VAV2: variants seen among roughly 807,000 people sequenced by gnomAD.
VAV2 encodes the protein guanine nucleotide exchange factor VAV2.
VAV2 carries 67 observed loss-of-function variants against 132.5 expected under a neutral mutation model. That is an observed-to-expected ratio of 0.51 (90% CI 0.42 to 0.62). The LOEUF (loss-of-function observed/expected upper bound fraction) is 0.62. Ranked by LOEUF, VAV2 falls within the 20% of genes least tolerant of loss-of-function variation. The pLI is 0.00. For synonymous variants in VAV2, 492 were observed against 443.5 expected, an observed-to-expected ratio of 1.11 and a Z score of -1.37; for missense variants, 938 against 1,153.6, an observed-to-expected ratio of 0.81 and a Z score of 2.71.
At chr9:133,938,977 G>A in intron 2 of VAV2, 126 bp downstream of exon 2, 1 of 859,920 alleles carries the variant, frequency 1.2e-6, no homozygotes, top group Non-Finnish European at 1.9e-6. Context: ...ACATGAGGGT[G>A]CAGAAATCCA....
chr9:133,887,403 G>A (rs1255612095), intron 2 of VAV2, among the ~76,000 whole-genome samples: 1 of 152,100 alleles, frequency 6.6e-6, no homozygotes, highest in Non-Finnish European at 1.5e-5. Context: ...GTGGACATCT[G>A]GCCCCAGGGA....
rs1250466810 is a variant in VAV2 at position 133,823,347 on chromosome 9, G to A, written c.449+10925C>T. On this transcript the variant is annotated intron_variant, in intron 4 of 29. Coordinates refer to ENST00000371850, the MANE Select transcript of VAV2 (RefSeq NM_001134398.2). The surrounding 1 kb of genome is among the most constrained non-coding windows in gnomAD (Gnocchi z 5.5). ...TTCAATTCAGCCTGGTAGGGTTGGG[G>A]GCTGCCTCTTAGAGAAGGTGACCTG... Among the ~76,000 whole-genome samples, 3 of 152,202 alleles carry A rather than the reference G, an allele frequency of 2.0e-5. No homozygotes were observed. The highest frequency in any genetic ancestry group is 4.4e-5 in the Non-Finnish European group (3 of 68,040).
intron 2 of VAV2, among the ~76,000 whole-genome samples, chr9:133,901,835 G>C (rs1203757747): frequency 6.6e-6 from 1 of 152,252 alleles, no homozygotes; most frequent in Non-Finnish European, 1.5e-5. Context: ...TTTCCCAGGA[G>C]ACGGGCCGAT....
At chr9:133,868,506 C>T (rs952399458) in intron 2 of VAV2, among the ~76,000 whole-genome samples, 4 of 152,184 alleles carry the variant, frequency 2.6e-5, no homozygotes, top group Admixed American at 2.6e-4. Flanking sequence ...GGAGCCTGGC[C>T]CAAAGCAGGG....
chr9:133,816,963 T>G (rs1835583831), intron 4 of VAV2, among the ~76,000 whole-genome samples: 2 of 152,240 alleles, frequency 1.3e-5, no homozygotes, highest in Non-Finnish European at 2.9e-5. Flanking sequence ...ATTAAGCCAT[T>G]CCAAGGTCCT....
At chr9:133,849,680 C>A (rs1201376003) in intron 3 of VAV2, among the ~76,000 whole-genome samples, 1 of 152,196 alleles carries the variant, frequency 6.6e-6, no homozygotes, top group East Asian at 1.9e-4. Flanking sequence ...CCTCTGGAGG[C>A]ACTGGGGGAG....
At chr9:133,818,912 T>C (rs1055106222) in intron 4 of VAV2, among the ~76,000 whole-genome samples, 7 of 152,000 alleles carry the variant, frequency 4.6e-5, no homozygotes, top group African/African-American at 1.4e-4. Context: ...GCCCAGCTAA[T>C]TGTTTTATTT....
At chr9:133,882,702 C>T (rs1838547553) in intron 2 of VAV2, among the ~76,000 whole-genome samples, 1 of 152,186 alleles carries the variant, frequency 6.6e-6, no homozygotes, top group South Asian at 2.1e-4. Context: ...GTCCGTGATA[C>T]TTGGCTATGG....
At chr9:133,856,404 C>A (rs760593892) in intron 3 of VAV2, among the ~76,000 whole-genome samples, 6 of 152,130 alleles carry the variant, frequency 3.9e-5, no homozygotes, top group Non-Finnish European at 8.8e-5. Context: ...GAGCCCCAAC[C>A]GGGTCCCCAT....
chr9:133,967,562 T>G (rs1387304974), intron 1 of VAV2, among the ~76,000 whole-genome samples: 1 of 152,128 alleles, frequency 6.6e-6, no homozygotes, highest in African/African-American at 2.4e-5. Flanking sequence ...TGAAAAAGAA[T>G]AAAATCCTGT....
intron 1 of VAV2, among the ~76,000 whole-genome samples, chr9:133,986,896 C>A (rs1404465335): frequency 6.6e-6 from 1 of 152,070 alleles, no homozygotes; most frequent in East Asian, 1.9e-4. Context: ...GGGGTCCTTG[C>A]GTGACCAGAA....
rs76112620 is a variant in VAV2 at position 133,949,792 on chromosome 9, C to G, written c.205-10573G>C. Among the ~76,000 whole-genome samples the G allele has an allele frequency of 4.7e-3, 723 of 152,276 alleles. 2 individuals are homozygous for G. The highest frequency in any genetic ancestry group is 0.017 in the African/African-American group (692 of 41,552). On this transcript the variant is annotated intron_variant, in intron 1 of 29. Transcript: ENST00000371850. ...TGGGTCCAGAATCCCAGGATCTTCC[C>G]CAAAAAGGGATGGGGCAAGGTTGCT...
intron 3 of VAV2, among the ~76,000 whole-genome samples, chr9:133,854,895 T>C (rs79884802): frequency 6.6e-6 from 1 of 152,182 alleles, no homozygotes; most frequent in Non-Finnish European, 1.5e-5. Flanking sequence ...GCCAGGATGT[T>C]TGATGTCACC....
At chr9:133,943,923 C>T (rs934181655) in intron 1 of VAV2, among the ~76,000 whole-genome samples, 3 of 152,272 alleles carry the variant, frequency 2.0e-5, no homozygotes, top group Non-Finnish European at 4.4e-5. Context: ...TCGCCCACCT[C>T]CCCAGGTTCA....
chr9:133,922,004 C>T (rs1420378226), intron 2 of VAV2, among the ~76,000 whole-genome samples: 1 of 152,242 alleles, frequency 6.6e-6, no homozygotes, highest in Non-Finnish European at 1.5e-5. Flanking sequence ...ATGGCGCACG[C>T]ACAGGTGTGT....
rs1264595781 is a variant in VAV2 at position 133,935,258 on chromosome 9, G to A, written c.321+3845C>T. ...TGAATGACAAAAGATGAATCTGGACGTGTAGGAAACGCTCAGTAAATGCCC... is the reference window on the plus strand; with the variant it reads ...TGAATGACAAAAGATGAATCTGGACATGTAGGAAACGCTCAGTAAATGCCC... On this transcript the variant is annotated intron_variant, in intron 2 of 29. Coordinates refer to ENST00000371850, the MANE Select transcript of VAV2 (RefSeq NM_001134398.2). The surrounding 1 kb of genome is among the most constrained non-coding windows in gnomAD (Gnocchi z 5.2). 6.6e-6 allele frequency among the ~76,000 whole-genome samples: 1 copy of A among 152,206 alleles called. No individual in the cohort carries two copies. The highest frequency in any genetic ancestry group is 1.5e-5 in the Non-Finnish European group (1 of 68,036).
At position 133,861,204 on chromosome 9, in the gene VAV2, C is replaced by T. The variant is rs568454084; in HGVS notation, c.380+170G>A. ...GTGTGAGCTGAAGCCTCCCGCCCCCCACACCCCTTCCTGCAGCCGCCAACG... is the reference window on the plus strand; with the variant it reads ...GTGTGAGCTGAAGCCTCCCGCCCCCTACACCCCTTCCTGCAGCCGCCAACG... On this transcript the variant is annotated intron_variant, in intron 3 of 29. Transcript: ENST00000371850. The T allele has an allele frequency of 9.1e-6, 6 of 660,368 alleles. No homozygotes were observed. In the South Asian group the frequency reaches 1.4e-4, roughly 15 times the overall value. 40.9% of individuals were successfully genotyped at this position (660,368 alleles called of 1,614,324 possible).
rs886145681 is a variant in VAV2 at position 133,804,562 on chromosome 9, C to T, written c.836+1519G>A. ...CCACCCTGTCACTCTACCACACAGCCAGCCATTCCTCCTCCAGGGCTTCAG... is the reference window on the plus strand; with the variant it reads ...CCACCCTGTCACTCTACCACACAGCTAGCCATTCCTCCTCCAGGGCTTCAG... On this transcript the variant is annotated intron_variant, in intron 9 of 29. Transcript: ENST00000371850. The surrounding 1 kb of genome is among the most constrained non-coding windows in gnomAD (Gnocchi z 4.5). 1.3e-5 allele frequency among the ~76,000 whole-genome samples: 2 copies of T among 152,228 alleles called. No individual in the cohort carries two copies. Among genetic ancestry groups the T allele is most frequent in the Non-Finnish European group, 1.5e-5 (1 of 68,038 alleles).
At chr9:133,902,495 GTTC>G (rs1473268392) in intron 2 of VAV2, among the ~76,000 whole-genome samples, 1 of 152,178 alleles carries the variant, frequency 6.6e-6, no homozygotes, top group African/African-American at 2.4e-5. Context: ...TAGAGAAAAT[GTTC>G]ACCCACAAAC....
Sources: allele counts gnomAD v4.1 joint callset (sites outside exome capture counted in the v4.1 genomes callset), GRCh38; gene constraint gnomAD v4.1.1; non-coding constraint Gnocchi (gnomAD v3.1); transcripts MANE v1.5; gene names NCBI Gene and HGNC (gene_info 2026-07-23, HGNC 2026-07-21).